The following MSRB2 variants were observed in gnomAD, a reference collection of about 807,000 sequenced individuals.
MSRB2 encodes the protein methionine sulfoxide reductase B2, also known as methionine-R-sulfoxide reductase B2, mitochondrial.
A neutral mutation model predicts 19.0 loss-of-function variants in MSRB2; 17 were observed. That is an observed-to-expected ratio of 0.89 (90% CI 0.61 to 1.34). The LOEUF (loss-of-function observed/expected upper bound fraction) is 1.34, where lower values mean the gene tolerates loss of function less well. MSRB2 is among the 40% of genes most tolerant of loss of function. The probability of loss-of-function intolerance (pLI) is 0.00; values close to 1 mark genes in which losing one functional copy is unlikely to be tolerated. For synonymous variants in MSRB2, 107 were observed against 99.7 expected (o/e 1.07, Z -0.44); for missense variants, 208 against 237.6 (o/e 0.88, Z 0.82).
chr10:23,106,348 T>C (rs1379256036), intron 2 of MSRB2, among the ~76,000 whole-genome samples: 1 of 152,202 alleles, frequency 6.6e-6, no homozygotes, highest in African/African-American at 2.4e-5. Flanking sequence ...ATGTTTTTTC[T>C]TGGGCAACGG....
intron 4 of MSRB2, among the ~76,000 whole-genome samples, chr10:23,119,665 A>T (rs61849913): frequency 0.11 from 17,169 of 151,970 alleles, 1,228 homozygotes; most frequent in Middle Eastern, 0.21. Context: ...GTGCAGTGGC[A>T]TGATCTCAGC....
intron 1 of MSRB2, among the ~76,000 whole-genome samples, chr10:23,097,693 AT>A (rs201387022): frequency 2.6e-5 from 4 of 152,074 alleles, no homozygotes; most frequent in African/African-American, 4.8e-5. Flanking sequence ...TAAACTTCAG[AT>A]TTTTTTTCCT....
At chr10:23,116,377 G>A (rs1275729306) in intron 3 of MSRB2, among the ~76,000 whole-genome samples, 1 of 152,148 alleles carries the variant, frequency 6.6e-6, no homozygotes. Context: ...TATGCTGAGA[G>A]GGTTGGCTAA....
chr10:23,095,866 C>G (rs971892698), intron 1 of MSRB2, 140 bp downstream of exon 1: 98 of 463,762 alleles, frequency 2.1e-4, no homozygotes, highest in African/African-American at 1.7e-3. Context: ...CCTCCCCCCC[C>G]CCAGCCCGAG....
intron 3 of MSRB2, among the ~76,000 whole-genome samples, chr10:23,110,624 G>GT (rs11292798): frequency 0.015 from 2,239 of 147,844 alleles, 34 homozygotes; most frequent in Non-Finnish European, 0.022. Context: ...AGCTATTAGA[G>GT]TTTTTTTTTT....
chr10:23,107,109 A>G (rs1009917063), intron 2 of MSRB2, among the ~76,000 whole-genome samples: 4 of 152,190 alleles, frequency 2.6e-5, no homozygotes, highest in African/African-American at 9.7e-5. Context: ...AGCACACTCC[A>G]GGCCTGCATG....
chr10:23,103,432 G>A (rs1484229806), intron 1 of MSRB2, among the ~76,000 whole-genome samples: 3 of 152,028 alleles, frequency 2.0e-5, no homozygotes, highest in Non-Finnish European at 2.9e-5. Context: ...ATAGGAGTTG[G>A]GCTTCCTACT....
intron 3 of MSRB2, among the ~76,000 whole-genome samples, chr10:23,117,375 A>G (rs936527131): frequency 3.9e-5 from 6 of 152,164 alleles, no homozygotes; most frequent in African/African-American, 1.4e-4. Flanking sequence ...AAAACAACAT[A>G]GCAACAGACT....
chr10:23,107,154 G>A (rs2131626580), intron 2 of MSRB2, among the ~76,000 whole-genome samples: 1 of 152,318 alleles, frequency 6.6e-6, no homozygotes, highest in Non-Finnish European at 1.5e-5. Context: ...TGCCTCTGGT[G>A]GCATCTTGCC....
intron 1 of MSRB2, among the ~76,000 whole-genome samples, chr10:23,101,455 T>C (rs1839925821): frequency 6.6e-6 from 1 of 152,244 alleles, no homozygotes; most frequent in African/African-American, 2.4e-5. Flanking sequence ...AATTGCAAAT[T>C]GTGCTACTAT....
intron 3 of MSRB2, among the ~76,000 whole-genome samples, chr10:23,115,164 C>A (rs777185895): frequency 6.6e-6 from 1 of 152,176 alleles, no homozygotes; most frequent in Non-Finnish European, 1.5e-5. Flanking sequence ...GTCAAGAACA[C>A]TTTCCAGAAT....
At chr10:23,112,141 A>G (rs1219307551) in intron 3 of MSRB2, among the ~76,000 whole-genome samples, 3 of 152,206 alleles carry the variant, frequency 2.0e-5, no homozygotes, top group East Asian at 1.9e-4. Flanking sequence ...GAGACTGCCA[A>G]TTCACTAACT....
In MSRB2 at chr10:23,110,332, T is replaced by C. The variant is rs182987081; in HGVS notation, c.296+14T>C. 4.8e-5 allele frequency: 77 copies of C among 1,610,036 alleles called. No individual in the cohort carries two copies. The East Asian group carries it at 1.4e-3, about 29-fold the overall frequency. ...TCCACTCTTCAGGTAAGATAAAGAATTGAGAGCCACGGAAGGAGACCAAAC... is the reference window on the plus strand; with the variant it reads ...TCCACTCTTCAGGTAAGATAAAGAACTGAGAGCCACGGAAGGAGACCAAAC... On this transcript the variant is annotated intron_variant, in intron 3 of 4. Transcript: ENST00000376510.
chr10:23,099,868 G>C (rs970136654), intron 1 of MSRB2, among the ~76,000 whole-genome samples: 2 of 152,264 alleles, frequency 1.3e-5, no homozygotes, highest in Admixed American at 1.3e-4. Context: ...CAAAGCGAAA[G>C]AAGTACATGT....
At chr10:23,110,062 A>G (rs1840032575) in intron 2 of MSRB2, among the ~76,000 whole-genome samples, 180 bp from the exon 3 acceptor site, 1 of 152,238 alleles carries the variant, frequency 6.6e-6, no homozygotes, top group African/African-American at 2.4e-5. Flanking sequence ...CAGGCTGTAA[A>G]TACATCTGCA....
At chr10:23,111,257 GA>G (rs1447557417) in intron 3 of MSRB2, among the ~76,000 whole-genome samples, 1 of 152,216 alleles carries the variant, frequency 6.6e-6, no homozygotes, top group Non-Finnish European at 1.5e-5. Context: ...TGGCATGGGG[GA>G]AACTAGAAGG....
At chr10:23,115,582 A>G (rs1165303609) in intron 3 of MSRB2, among the ~76,000 whole-genome samples, 1 of 152,238 alleles carries the variant, frequency 6.6e-6, no homozygotes. Context: ...ACCAAAGCAA[A>G]TAAAACGAAA....
chr10:23,119,748 C>T (rs1840160922), intron 4 of MSRB2, among the ~76,000 whole-genome samples: 1 of 152,112 alleles, frequency 6.6e-6, no homozygotes, highest in African/African-American at 2.4e-5. Flanking sequence ...GTGCCTGCCA[C>T]CACACCCAGT....
chr10:23,118,550 G>A (rs759593878), intron 3 of MSRB2, among the ~76,000 whole-genome samples: 1 of 151,912 alleles, frequency 6.6e-6, no homozygotes, highest in Non-Finnish European at 1.5e-5. Flanking sequence ...ATGAGTCCCT[G>A]GGAGACTTCT....
Sources: gnomAD v4.1 joint callset for allele counts (sites outside exome capture counted in the v4.1 genomes callset) on GRCh38, gnomAD v4.1.1 for gene constraint, MANE v1.5 for transcripts, NCBI Gene and HGNC (gene_info 2026-07-23, HGNC 2026-07-21) for gene names.